GRIK1: variants seen among roughly 807,000 people sequenced by gnomAD.
GRIK1 encodes the protein glutamate receptor ionotropic, kainate 1.
In GRIK1, 69 loss-of-function variants were observed where a neutral mutation model predicts 105.7. The ratio of observed to expected loss-of-function variants is 0.65; its 90% confidence interval spans 0.54 to 0.80. GRIK1 has a LOEUF of 0.80. Ranked by LOEUF, GRIK1 falls within the 30% of genes least tolerant of loss-of-function variation. GRIK1 has a pLI of 0.00. For synonymous variants in GRIK1, 438 were observed against 431.3 expected (o/e 1.02, Z -0.19); for missense variants, 1,109 against 1,167.3 (o/e 0.95, Z 0.73).
chr21:29,830,456 T>C (rs2145961653), intron 1 of GRIK1, among the ~76,000 whole-genome samples: 1 of 152,256 alleles, frequency 6.6e-6, no homozygotes, highest in East Asian at 1.9e-4. Flanking sequence ...ATTCCACTTC[T>C]TCCTTTAATT....
At chr21:29,806,529 A>G (rs560669381) in intron 1 of GRIK1, among the ~76,000 whole-genome samples, 2 of 152,300 alleles carry the variant, frequency 1.3e-5, no homozygotes, top group East Asian at 3.9e-4. Flanking sequence ...TTGCCTTATC[A>G]ACTCTAAATG....
At chr21:29,761,251 A>G (rs572553420) in intron 1 of GRIK1, 1 of 152,316 alleles carries the variant, frequency 6.6e-6, no homozygotes, top group African/African-American at 2.4e-5. Flanking sequence ...TTGCACTTGC[A>G]CTTAGCGCAC....
intron 3 of GRIK1, among the ~76,000 whole-genome samples, chr21:29,684,984 T>TTATG (rs1215093071): frequency 6.6e-6 from 1 of 152,220 alleles, no homozygotes; most frequent in African/African-American, 2.4e-5. Context: ...TATCTATCTA[T>TTATG]TATGTATGTA....
intron 5 of GRIK1, 36 bp from the exon 6 acceptor site, chr21:29,651,327 A>C (rs2062732100): frequency 7.1e-7 from 1 of 1,411,774 alleles, no homozygotes; most frequent in Non-Finnish European, 9.8e-7. Context: ...GTGGAAAATA[A>C]TTAGAATTTT....
At chr21:29,648,787 T>A (rs1260897782) in intron 6 of GRIK1, among the ~76,000 whole-genome samples, 2 of 152,026 alleles carry the variant, frequency 1.3e-5, no homozygotes, top group Non-Finnish European at 2.9e-5. Context: ...TAGATGGTGA[T>A]TCATGGAGGC....
At chr21:29,769,228 G>A (rs1002646302) in intron 1 of GRIK1, among the ~76,000 whole-genome samples, 6 of 152,040 alleles carry the variant, frequency 3.9e-5, no homozygotes, top group Admixed American at 3.3e-4. Flanking sequence ...ATTTATAGAG[G>A]GAATCAAATT....
chr21:29,734,648 C>A (rs2064740454), intron 1 of GRIK1, among the ~76,000 whole-genome samples: 1 of 152,232 alleles, frequency 6.6e-6, no homozygotes, highest in Non-Finnish European at 1.5e-5. Context: ...ATCCACCCCC[C>A]TGGGCCTCCC....
chr21:29,848,743 C>G (rs1225491603), intron 1 of GRIK1, among the ~76,000 whole-genome samples: 3 of 97,364 alleles, frequency 3.1e-5, no homozygotes, highest in African/African-American at 7.7e-5. Flanking sequence ...TTAAATAGAC[C>G]AAGTTGTGTG....
intron 1 of GRIK1, among the ~76,000 whole-genome samples, chr21:29,869,914 A>G (rs1423394523): frequency 1.3e-5 from 2 of 152,216 alleles, no homozygotes; most frequent in African/African-American, 4.8e-5. Flanking sequence ...TTTTTATGTA[A>G]TATAGTGTAA....
At chr21:29,827,195 G>T (rs2145947173) in intron 1 of GRIK1, among the ~76,000 whole-genome samples, 1 of 152,184 alleles carries the variant, frequency 6.6e-6, no homozygotes, top group East Asian at 1.9e-4. Flanking sequence ...TGAGAATCAA[G>T]TTGAAGAGAT....
intron 10 of GRIK1, among the ~76,000 whole-genome samples, chr21:29,590,870 G>T (rs577594004): frequency 6.6e-6 from 1 of 152,326 alleles, no homozygotes; most frequent in Non-Finnish European, 1.5e-5. Flanking sequence ...GCTGGGAGGG[G>T]ACAGAGAGTG....
intron 1 of GRIK1, among the ~76,000 whole-genome samples, chr21:29,913,627 C>T (rs1215807819): frequency 1.3e-5 from 2 of 150,600 alleles, no homozygotes; most frequent in African/African-American, 4.9e-5. Context: ...ATATAGAATA[C>T]ACAATGTCAA....
chr21:29,591,827 T>A (rs2061338046), intron 9 of GRIK1, among the ~76,000 whole-genome samples: 2 of 151,926 alleles, frequency 1.3e-5, no homozygotes, highest in South Asian at 4.2e-4. Flanking sequence ...GGTGGGAGGA[T>A]CTCTTGAGAC....
intron 4 of GRIK1, among the ~76,000 whole-genome samples, chr21:29,655,713 C>T (rs1382220708): frequency 6.6e-6 from 1 of 152,132 alleles, no homozygotes; most frequent in African/African-American, 2.4e-5. Context: ...GATTCATTTA[C>T]AGATAAAAGG....
chr21:29,838,055 T>A lies in GRIK1; in HGVS notation c.118+101328A>T, dbSNP rs139343276. On this transcript the variant is annotated intron_variant, in intron 1 of 17. Transcript: ENST00000327783. ...AAAAGTGAAATTTTATCTATATGTTTCTAAATGATTTCAATAAAGGAGAAA... is the reference window on the plus strand; with the variant it reads ...AAAAGTGAAATTTTATCTATATGTTACTAAATGATTTCAATAAAGGAGAAA... Among the ~76,000 whole-genome samples the A allele has an allele frequency of 1.0e-3, 153 of 152,332 alleles. 1 individual carries two copies. Among genetic ancestry groups the A allele is most frequent in the Admixed American group, 1.6e-3 (25 of 15,304 alleles).
intron 1 of GRIK1, among the ~76,000 whole-genome samples, chr21:29,695,611 A>T (rs1478529510): frequency 6.6e-6 from 1 of 152,042 alleles, no homozygotes; most frequent in Non-Finnish European, 1.5e-5. Context: ...AGTAGCTGGG[A>T]TTACAGGCAT....
intron 6 of GRIK1, among the ~76,000 whole-genome samples, chr21:29,649,317 T>C (rs559632490): frequency 1.1e-4 from 17 of 152,320 alleles, no homozygotes; most frequent in African/African-American, 4.1e-4. Context: ...TATTCAATAG[T>C]TACTCTACCC....
At chr21:29,685,294 T>C (rs2063468084) in intron 3 of GRIK1, among the ~76,000 whole-genome samples, 1 of 152,224 alleles carries the variant, frequency 6.6e-6, no homozygotes, top group Non-Finnish European at 1.5e-5. Context: ...TTTTCCCCAA[T>C]ATTTCAGAAA....
At chr21:29,885,419 A>G (rs1389097077) in intron 1 of GRIK1, among the ~76,000 whole-genome samples, 2 of 152,116 alleles carry the variant, frequency 1.3e-5, no homozygotes, top group Admixed American at 1.3e-4. Context: ...TAACGTAAGA[A>G]AAATAAATTC....
Sources: allele counts gnomAD v4.1 joint callset (sites outside exome capture counted in the v4.1 genomes callset), GRCh38; gene constraint gnomAD v4.1.1; transcripts MANE v1.5; gene names NCBI Gene and HGNC (gene_info 2026-07-23, HGNC 2026-07-21).